The following MAOA variants were observed in gnomAD, a reference collection of about 807,000 sequenced individuals.
The protein encoded by MAOA is amine oxidase [flavin-containing] A.
In MAOA, 6 loss-of-function variants were observed where a neutral mutation model predicts 42.0. That is an observed-to-expected ratio of 0.14 (90% CI 0.08 to 0.28). MAOA has a LOEUF of 0.28. MAOA is among the 10% of genes least tolerant of loss of function. The pLI is 1.00. For synonymous variants in MAOA, 140 were observed against 154.0 expected, an observed-to-expected ratio of 0.91 and a Z score of 0.67; for missense variants, 262 against 422.3, an observed-to-expected ratio of 0.62 and a Z score of 3.33.
At position 43,731,681 on chromosome X, in the gene MAOA, G is replaced by A; in HGVS notation, c.796-13G>A. ...TCACATTTGAGGTAATATTTTGCTT[G>A]TGTGTGTTTTAGTGCAAATACGTAA... is the stretch of plus-strand genomic sequence containing the variant. On this transcript the variant is annotated splice_polypyrimidine_tract_variant and intron_variant, in intron 7 of 14. Coordinates refer to ENST00000338702, the MANE Select transcript of MAOA (RefSeq NM_000240.4). 1 of 1,208,710 alleles carries A rather than the reference G, an allele frequency of 8.3e-7. No individual in the cohort carries two copies. The highest frequency in any genetic ancestry group is 1.1e-6 in the Non-Finnish European group (1 of 892,822).
intron 5 of MAOA, among the ~76,000 whole-genome samples, chrX:43,727,372 C>A (rs2033846664): frequency 8.9e-6 from 1 of 112,016 alleles, no homozygotes; most frequent in East Asian, 2.8e-4. Context: ...GCCCTGCCCA[C>A]AGAGGTGGAA....
intron 3 of MAOA, among the ~76,000 whole-genome samples, chrX:43,710,596 T>C (rs1263408013): frequency 8.9e-6 from 1 of 112,478 alleles, no homozygotes; most frequent in Non-Finnish European, 1.9e-5. Flanking sequence ...ATTATACTGG[T>C]AGAAAAGATT....
At chrX:43,694,460 A>C (rs1477928325) in intron 3 of MAOA, among the ~76,000 whole-genome samples, 1 of 111,787 alleles carries the variant, frequency 8.9e-6, no homozygotes, top group Non-Finnish European at 1.9e-5. Context: ...TGAAAAAGCA[A>C]ATCAGTAGTC....
intron 12 of MAOA, among the ~76,000 whole-genome samples, chrX:43,743,043 T>C (rs916653053): frequency 1.5e-4 from 16 of 110,281 alleles, no homozygotes; most frequent in African/African-American, 5.3e-4. Flanking sequence ...GTTCTGGAAT[T>C]GGAAAAAGGA....
chrX:43,672,009 A>G (rs2033341040), intron 1 of MAOA, among the ~76,000 whole-genome samples: 1 of 111,275 alleles, frequency 9.0e-6, no homozygotes, highest in South Asian at 3.8e-4. Context: ...TGGGGATGCC[A>G]TTGAATCTAT....
chrX:43,682,793 A>G (rs1053055334), intron 1 of MAOA, among the ~76,000 whole-genome samples: 2 of 112,275 alleles, frequency 1.8e-5, no homozygotes, highest in Admixed American at 1.9e-4. Context: ...GGTCAACATC[A>G]GTGATAAATC....
intron 3 of MAOA, among the ~76,000 whole-genome samples, chrX:43,703,502 A>T (rs944140998): frequency 8.9e-6 from 1 of 112,060 alleles, no homozygotes; most frequent in Admixed American, 9.5e-5. Context: ...TACAAATGAC[A>T]TTGTATTCCC....
At chrX:43,717,831 G>A (rs2033756516) in intron 5 of MAOA, among the ~76,000 whole-genome samples, 1 of 109,516 alleles carries the variant, frequency 9.1e-6, no homozygotes, top group Admixed American at 9.8e-5. Flanking sequence ...TTCCAGTAAT[G>A]AGCTATAGAA....
intron 3 of MAOA, among the ~76,000 whole-genome samples, chrX:43,706,355 ACT>A (rs1373180927): frequency 1.8e-5 from 2 of 111,440 alleles, no homozygotes; most frequent in Non-Finnish European, 1.9e-5. Context: ...TTTTTAAAAA[ACT>A]CTGTCAATTA....
chrX:43,697,585 G>A (rs1016111808), intron 3 of MAOA, among the ~76,000 whole-genome samples: 2 of 112,086 alleles, frequency 1.8e-5, no homozygotes, highest in African/African-American at 3.2e-5. Flanking sequence ...TAATCTCATC[G>A]AATGAAAAGA....
At chrX:43,731,157 G>GA in intron 6 of MAOA, 84 bp from the exon 7 acceptor site, 1 of 981,901 alleles carries the variant, frequency 1.0e-6, no homozygotes, top group Non-Finnish European at 1.5e-6. Flanking sequence ...GTGACTTTCT[G>GA]GAGGTTTTCT....
In MAOA at chrX:43,728,224, G is replaced by C. The variant is rs2147101580; in HGVS notation, c.555G>C (p.Glu185Asp). ...TTGTGAATATCAATGTGACCTCTGA[G>C]CCTCACGAAGTGTCTGCCCTGTGGT... ...YLFVNINVTS[E>D]PHEVSALWFL... The change falls in exon 6 of 15, where the codon GAG (glutamate) becomes GAC (aspartate). Residue 185 changes from glutamate to aspartate, a missense_variant. By Grantham distance (45) the Glu-to-Asp change is conservative. Transcript: ENST00000338702. 11 of 1,210,039 alleles carry C rather than the reference G, an allele frequency of 9.1e-6. No homozygotes were observed. The highest frequency in any genetic ancestry group is 1.2e-5 in the Non-Finnish European group (11 of 893,979).
intron 5 of MAOA, among the ~76,000 whole-genome samples, chrX:43,716,674 C>T (rs994225915): frequency 9.1e-6 from 1 of 109,502 alleles, no homozygotes; most frequent in African/African-American, 3.3e-5. Context: ...GTATCTTCCA[C>T]GAATGACCCA....
chrX:43,676,046 G>T (rs1439732226), intron 1 of MAOA, among the ~76,000 whole-genome samples: 1 of 112,481 alleles, frequency 8.9e-6, no homozygotes, highest in African/African-American at 3.2e-5. Context: ...TGCCCCCAGA[G>T]TTGGAGCCTA....
intron 3 of MAOA, among the ~76,000 whole-genome samples, chrX:43,705,997 C>T (rs2033656542): frequency 8.9e-6 from 1 of 112,341 alleles, no homozygotes; most frequent in Non-Finnish European, 1.9e-5. Context: ...TTGGAAACCT[C>T]ACCCATTGCT....
chrX:43,663,391 A>T (rs1042802779), intron 1 of MAOA, among the ~76,000 whole-genome samples: 2 of 112,037 alleles, frequency 1.8e-5, no homozygotes, highest in African/African-American at 6.5e-5. Context: ...TGTTAAGAAC[A>T]TAAAAAACAG....
intron 3 of MAOA, among the ~76,000 whole-genome samples, chrX:43,706,056 T>A (rs186800294): frequency 1.8e-5 from 2 of 112,285 alleles, no homozygotes; most frequent in East Asian, 5.6e-4. Flanking sequence ...GTTTGGCAGT[T>A]CTTCAAAATG....
At chrX:43,734,929 A>G (rs746842431) in intron 9 of MAOA, among the ~76,000 whole-genome samples, 2 of 112,081 alleles carry the variant, frequency 1.8e-5, no homozygotes, top group South Asian at 3.7e-4. Context: ...AAAAAAAACT[A>G]TATACATCTA....
chrX:43,745,209 T>A lies in MAOA; in HGVS notation c.*696T>A, dbSNP rs1051289263. 1.8e-5 allele frequency: 2 copies of A among 113,619 alleles called. No homozygotes were observed. Among genetic ancestry groups the A allele is most frequent in the African/African-American group, 6.5e-5 (2 of 30,760 alleles). The allele number at this position is 113,619 out of a possible 1,213,427, so 9.4% of individuals were successfully genotyped here. Reference sequence around the variant, plus strand: ...TTCACTTCTTATGGAGGAGAGTGTTTAACTGAGTTAGAATGTTGAAACTGA... The same window carrying A: ...TTCACTTCTTATGGAGGAGAGTGTTAAACTGAGTTAGAATGTTGAAACTGA... On this transcript the variant is annotated 3_prime_UTR_variant, in exon 15 of 15. Transcript: ENST00000338702.
Sources: allele counts gnomAD v4.1 joint callset (sites outside exome capture counted in the v4.1 genomes callset), GRCh38; gene constraint gnomAD v4.1.1; transcripts MANE v1.5; gene names NCBI Gene and HGNC (gene_info 2026-07-23, HGNC 2026-07-21).